The following GPRC6A variants were observed in gnomAD, a reference collection of about 807,000 sequenced individuals.
GPRC6A encodes the protein G protein-coupled receptor family C group 6 member A.
A neutral mutation model predicts 47.0 loss-of-function variants in GPRC6A; 54 were observed. That is an observed-to-expected ratio of 1.15 (90% CI 0.92 to 1.44). GPRC6A has a LOEUF of 1.44. GPRC6A is among the 40% of genes most tolerant of loss of function. GPRC6A has a pLI of 0.00. For missense variants in GPRC6A, 1,112 were observed against 1,105.5 expected, an observed-to-expected ratio of 1.01 and a Z score of -0.08; for synonymous variants, 347 against 377.1, an observed-to-expected ratio of 0.92 and a Z score of 0.93.
rs1392780424 is a variant in GPRC6A at position 116,806,947 on chromosome 6, G to C, written c.758C>G (p.Thr253Ser). The C allele has an allele frequency of 1.2e-6, 2 of 1,613,300 alleles. No homozygotes were observed. The highest frequency in any genetic ancestry group is 1.7e-5 in the Admixed American group (1 of 59,862). Residue 253 changes from threonine (T) to serine (S), a missense_variant, in exon 3 of 6, where the codon ACC becomes AGC. Transcript: ENST00000310357. The part of the protein sequence containing the change: ...EVLPAFLSDN[T>S]IEVRINRTLK... ...TGTCCGATTGATTCTGACTTCAATG[G>C]TATTATCTGAAAGAAAGGCTGGAAG...
At position 116,800,898 on chromosome 6, in the gene GPRC6A, T is replaced by A; in HGVS notation, c.1336-102A>T. On this transcript the variant is annotated intron_variant, in intron 3 of 5. Coordinates refer to ENST00000310357, the MANE Select transcript of GPRC6A (RefSeq NM_148963.4). ...CCTTATAAAGCATATCACTTAAAAA[T>A]GAGGGAAAAAAGATTATAAATCACT... 1.4e-5 allele frequency: 10 copies of A among 696,538 alleles called. No homozygotes were observed. In the Admixed American group the frequency reaches 1.6e-4, roughly 11 times the overall value. The allele number at this position is 696,538 out of a possible 1,614,324, so 43.1% of individuals were successfully genotyped here.
intron 1 of GPRC6A, among the ~76,000 whole-genome samples, chr6:116,821,017 G>A (rs1045358994): frequency 2.0e-5 from 3 of 151,182 alleles, no homozygotes; most frequent in Non-Finnish European, 3.0e-5. Flanking sequence ...AAAGTCTCAG[G>A]ATACAAAATC....
intron 4 of GPRC6A, among the ~76,000 whole-genome samples, chr6:116,797,248 G>A (rs1772518957): frequency 6.6e-6 from 1 of 152,066 alleles, no homozygotes; most frequent in Non-Finnish European, 1.5e-5. Flanking sequence ...ATTCCATTGT[G>A]TATATGTGCC....
At chr6:116,794,255 T>C (rs924503526) in intron 5 of GPRC6A, among the ~76,000 whole-genome samples, 2 of 152,176 alleles carry the variant, frequency 1.3e-5, no homozygotes, top group Admixed American at 6.5e-5. Flanking sequence ...GTTTATAAAC[T>C]TCATGACCCT....
chr6:116,797,113 T>C (rs1772514420), intron 4 of GPRC6A, among the ~76,000 whole-genome samples: 2 of 150,078 alleles, frequency 1.3e-5, no homozygotes, highest in Non-Finnish European at 1.5e-5. Context: ...AATTCCCACC[T>C]ATGAGTGAGA....
In GPRC6A at chr6:116,804,581, C is replaced by A. The variant is rs752529344; in HGVS notation, c.1335+1789G>T. Reference sequence around the variant, plus strand: ...TCTTGATCAAAGGAGCAAGTCATCCCCCTGTTCTTCCTTTCTAATCTGTTT... The same window carrying A: ...TCTTGATCAAAGGAGCAAGTCATCCACCTGTTCTTCCTTTCTAATCTGTTT... On this transcript the variant is annotated intron_variant, in intron 3 of 5. Coordinates refer to ENST00000310357, the MANE Select transcript of GPRC6A (RefSeq NM_148963.4). 5.9e-5 allele frequency among the ~76,000 whole-genome samples: 9 copies of A among 151,964 alleles called. No individual in the cohort carries two copies. The South Asian group carries it at 8.3e-4, about 14-fold the overall frequency.
chr6:116,805,808 A>G (rs183930972), intron 3 of GPRC6A, among the ~76,000 whole-genome samples: 39 of 152,200 alleles, frequency 2.6e-4, no homozygotes, highest in Admixed American at 1.7e-3. Flanking sequence ...ACGTGTATAC[A>G]TATACACATA....
chr6:116,804,076 A>G (rs1772763028), intron 3 of GPRC6A, among the ~76,000 whole-genome samples: 1 of 152,100 alleles, frequency 6.6e-6, no homozygotes, highest in African/African-American at 2.4e-5. Context: ...AAGTTCAACT[A>G]TTAGGCATTC....
At chr6:116,793,736 C>T (rs151297506) in intron 5 of GPRC6A, among the ~76,000 whole-genome samples, 119 of 152,256 alleles carry the variant, frequency 7.8e-4, no homozygotes, top group African/African-American at 2.8e-3. Flanking sequence ...TATTGTGATG[C>T]CGTACTTAAT....
chr6:116,826,569 G>T (rs1017059682), intron 1 of GPRC6A, among the ~76,000 whole-genome samples: 5 of 151,400 alleles, frequency 3.3e-5, no homozygotes, highest in African/African-American at 1.2e-4. Context: ...CTGGCAAGGA[G>T]ATGCAGAAGA....
chr6:116,825,394 G>T (rs899587594), intron 1 of GPRC6A, among the ~76,000 whole-genome samples: 1 of 151,840 alleles, frequency 6.6e-6, no homozygotes, highest in Admixed American at 6.6e-5. Flanking sequence ...AAAGTTGCAG[G>T]ATACAATATC....
chr6:116,806,065 A>T (rs1699743156), intron 3 of GPRC6A, among the ~76,000 whole-genome samples: 1 of 152,112 alleles, frequency 6.6e-6, no homozygotes, highest in African/African-American at 2.4e-5. Context: ...TGTGTTTTTT[A>T]AGAGCATTTA....
intron 2 of GPRC6A, among the ~76,000 whole-genome samples, chr6:116,807,505 AT>A (rs1367367658): frequency 6.6e-5 from 10 of 152,172 alleles, no homozygotes; most frequent in African/African-American, 2.2e-4. Flanking sequence ...AAGGGTGGAT[AT>A]TATTTAAATA....
intron 3 of GPRC6A, among the ~76,000 whole-genome samples, chr6:116,801,226 A>G (rs1772665432): frequency 6.6e-6 from 1 of 152,192 alleles, no homozygotes; most frequent in Admixed American, 6.6e-5. Flanking sequence ...AGTGATCTCT[A>G]AATTATATTT....
chr6:116,807,266 G>T, intron 2 of GPRC6A, 60 bp from the exon 3 acceptor site: 1 of 954,222 alleles, frequency 1.0e-6, no homozygotes, highest in Non-Finnish European at 1.6e-6. Context: ...ACTGTTCACA[G>T]TAGGTGTTCC....
chr6:116,803,561 G>A (rs1205450684), intron 3 of GPRC6A, among the ~76,000 whole-genome samples: 3 of 152,080 alleles, frequency 2.0e-5, no homozygotes, highest in Non-Finnish European at 4.4e-5. Context: ...AAGATTCCCA[G>A]GAAAGTCAAC....
At chr6:116,819,870 G>A (rs1244848808) in intron 1 of GPRC6A, among the ~76,000 whole-genome samples, 1 of 149,838 alleles carries the variant, frequency 6.7e-6, no homozygotes, top group Non-Finnish European at 1.5e-5. Flanking sequence ...GAGCAGAACT[G>A]AAGGAAATAG....
At chr6:116,805,295 G>T (rs1161331216) in intron 3 of GPRC6A, among the ~76,000 whole-genome samples, 1 of 151,710 alleles carries the variant, frequency 6.6e-6, no homozygotes, top group South Asian at 2.1e-4. Context: ...TCCCACCATT[G>T]CATGATCCTC....
rs1306288780 is a variant in GPRC6A at position 116,792,681 on chromosome 6, A to G, written c.2242T>C (p.Ser748Pro). 6 of 1,613,430 alleles carry G rather than the reference A, an allele frequency of 3.7e-6. No individual in the cohort carries two copies. Among genetic ancestry groups the G allele is most frequent in the African/African-American group, 1.3e-5 (1 of 75,024 alleles). The change falls in exon 6 of 6, where the codon TCC becomes CCC. Residue 748 changes from serine to proline, a missense_variant. Physicochemically the swap from Ser to Pro is moderately conservative, Grantham distance 74 (BLOSUM62 -1). Coordinates refer to ENST00000310357, the MANE Select transcript of GPRC6A (RefSeq NM_148963.4). Reference protein sequence around the residue: ...RVIILECEEGSILAFGTMLGY... With the variant: ...RVIILECEEGPILAFGTMLGY... ...AGCATGGTGCCAAATGCAAGTATGG[A>G]TCCCTCCTCACACTCCAGGATGATG...
Sources: gnomAD v4.1 joint callset for allele counts (sites outside exome capture counted in the v4.1 genomes callset) on GRCh38, gnomAD v4.1.1 for gene constraint, MANE v1.5 for transcripts, NCBI Gene and HGNC (gene_info 2026-07-23, HGNC 2026-07-21) for gene names.